GALNTL6: variants seen among roughly 807,000 people sequenced by gnomAD.
GALNTL6 encodes polypeptide N-acetylgalactosaminyltransferase like 6.
In GALNTL6, 46 loss-of-function variants were observed where a neutral mutation model predicts 73.7. That is an observed-to-expected ratio of 0.62 (90% CI 0.49 to 0.80). The LOEUF is 0.80. GALNTL6 is among the 30% of genes least tolerant of loss of function. The pLI is 0.00. For synonymous variants in GALNTL6, 259 were observed against 263.7 expected (o/e 0.98, Z 0.17); for missense variants, 604 against 755.0 (o/e 0.80, Z 2.34).
chr4:172,921,793 C>CAAA (rs370693087), intron 8 of GALNTL6, among the ~76,000 whole-genome samples: 1 of 58,592 alleles, frequency 1.7e-5, no homozygotes, highest in Non-Finnish European at 3.6e-5. Flanking sequence ...GACCTTGTCT[C>CAAA]AAAAAAAAAA....
At chr4:172,183,265 A>G (rs1469715428) in intron 2 of GALNTL6, among the ~76,000 whole-genome samples, 2 of 152,232 alleles carry the variant, frequency 1.3e-5, no homozygotes, top group African/African-American at 2.4e-5. Context: ...TGCATAAAAA[A>G]CGATGAATAA....
intron 2 of GALNTL6, among the ~76,000 whole-genome samples, chr4:172,156,545 A>ATGTATATCTATATAC (rs1560945582): frequency 1.5e-5 from 1 of 67,342 alleles, no homozygotes; most frequent in Non-Finnish European, 2.9e-5. Context: ...TATATAATAT[A>ATGTATATCTATATAC]TATATATATA....
chr4:172,467,129 A>G (rs1462486496), intron 5 of GALNTL6, among the ~76,000 whole-genome samples: 2 of 152,224 alleles, frequency 1.3e-5, no homozygotes, highest in Admixed American at 6.5e-5. Context: ...GATTATTTGT[A>G]AGCTAACTAG....
chr4:172,015,414 T>C (rs909180589), intron 2 of GALNTL6, among the ~76,000 whole-genome samples: 1 of 151,684 alleles, frequency 6.6e-6, no homozygotes, highest in East Asian at 1.9e-4. Flanking sequence ...ATTCCAACCC[T>C]TTACCTTAAG....
At chr4:172,372,418 TTA>T (rs1478282382) in intron 5 of GALNTL6, among the ~76,000 whole-genome samples, 1 of 152,204 alleles carries the variant, frequency 6.6e-6, no homozygotes, top group Non-Finnish European at 1.5e-5. Context: ...GCCATTGACA[TTA>T]TGAGTAGTCC....
intron 8 of GALNTL6, among the ~76,000 whole-genome samples, chr4:172,927,633 T>C (rs552360384): frequency 2.0e-5 from 3 of 152,248 alleles, no homozygotes; most frequent in African/African-American, 7.2e-5. Context: ...TAGAGGCATC[T>C]TTATTCACAG....
intron 2 of GALNTL6, among the ~76,000 whole-genome samples, chr4:171,898,403 T>C (rs1272064591): frequency 1.3e-5 from 2 of 152,160 alleles, no homozygotes; most frequent in Non-Finnish European, 2.9e-5. Context: ...AAGATGTATG[T>C]GAATATCCTT....
chr4:172,326,389 C>T (rs1486922365), intron 4 of GALNTL6, among the ~76,000 whole-genome samples: 2 of 151,884 alleles, frequency 1.3e-5, no homozygotes, highest in Non-Finnish European at 2.9e-5. Flanking sequence ...GCTTTGTTAT[C>T]GGGTGCATAA....
At position 173,024,010 on chromosome 4, in the gene GALNTL6, G is replaced by C. The variant is rs576985164; in HGVS notation, c.1638+2385G>C. On this transcript the variant is annotated intron_variant, in intron 12 of 12. Transcript: ENST00000506823. ...AATGAACAGAACATTTCTTATTACT[G>C]TACATTTATAGCATGACACACCAAC... is the stretch of plus-strand genomic sequence containing the variant. Among the ~76,000 whole-genome samples, 8 of 152,158 alleles carry C rather than the reference G, an allele frequency of 5.3e-5. No homozygotes were observed. The East Asian group carries it at 1.5e-3, about 29-fold the overall frequency.
intron 5 of GALNTL6, among the ~76,000 whole-genome samples, chr4:172,705,447 T>A (rs868633223): frequency 3.0e-4 from 44 of 148,332 alleles, no homozygotes; most frequent in African/African-American, 5.1e-4. Flanking sequence ...ACAATAAATT[T>A]AAAAAAAAAA....
intron 8 of GALNTL6, among the ~76,000 whole-genome samples, chr4:172,897,530 C>A (rs1746393972): frequency 6.6e-6 from 1 of 152,170 alleles, no homozygotes; most frequent in Non-Finnish European, 1.5e-5. Flanking sequence ...CTTCCAAACC[C>A]CTTGGCAGAT....
chr4:172,951,916 A>T, intron 9 of GALNTL6, 121 bp from the exon 10 acceptor site: 3 of 706,630 alleles, frequency 4.2e-6, no homozygotes, highest in Non-Finnish European at 7.2e-6. Flanking sequence ...TAAACCACCA[A>T]CCAGGGCTGC....
chr4:172,433,467 G>A (rs906203799), intron 5 of GALNTL6, among the ~76,000 whole-genome samples: 4 of 151,150 alleles, frequency 2.6e-5, no homozygotes, highest in Non-Finnish European at 5.9e-5. Context: ...TGATGGACAC[G>A]GCTTATAGTG....
chr4:172,797,255 C>A (rs573595888), intron 5 of GALNTL6, among the ~76,000 whole-genome samples: 2 of 149,412 alleles, frequency 1.3e-5, no homozygotes, highest in Admixed American at 1.3e-4. Flanking sequence ...TTTTGTTTTT[C>A]TTTTTTTTTT....
intron 2 of GALNTL6, among the ~76,000 whole-genome samples, chr4:172,193,000 T>G (rs2110882674): frequency 6.6e-6 from 1 of 152,314 alleles, no homozygotes; most frequent in African/African-American, 2.4e-5. Flanking sequence ...CAGGGGTTTA[T>G]GGATAGAACT....
chr4:172,606,652 G>C (rs1481387284), intron 5 of GALNTL6, among the ~76,000 whole-genome samples: 764 of 34,718 alleles, frequency 0.022, 13 homozygotes, highest in African/African-American at 0.038. Flanking sequence ...TATATATATA[G>C]TATATATATA....
chr4:172,021,564 T>G (rs1397883196), intron 2 of GALNTL6, among the ~76,000 whole-genome samples: 1 of 151,944 alleles, frequency 6.6e-6, no homozygotes, highest in Non-Finnish European at 1.5e-5. Context: ...AATACCAAGG[T>G]CATTCTTCAT....
At chr4:172,528,808 A>G (rs1211259989) in intron 5 of GALNTL6, among the ~76,000 whole-genome samples, 1 of 150,582 alleles carries the variant, frequency 6.6e-6, no homozygotes, top group Non-Finnish European at 1.5e-5. Flanking sequence ...AAGGATTAGT[A>G]TAAATCATAT....
chr4:172,795,401 G>A (rs1214636484), intron 5 of GALNTL6, among the ~76,000 whole-genome samples: 1 of 152,164 alleles, frequency 6.6e-6, no homozygotes, highest in African/African-American at 2.4e-5. Context: ...ATTTGGTGGT[G>A]TGACTGGTGA....
Sources: allele counts gnomAD v4.1 joint callset (sites outside exome capture counted in the v4.1 genomes callset), GRCh38; gene constraint gnomAD v4.1.1; transcripts MANE v1.5; gene names NCBI Gene and HGNC (gene_info 2026-07-23, HGNC 2026-07-21).